The following PAH variants were observed in gnomAD, a reference collection of about 807,000 sequenced individuals.
The protein encoded by PAH is phenylalanine-4-hydroxylase.
PAH carries 64 observed loss-of-function variants against 62.0 expected under a neutral mutation model. The observed-to-expected ratio is 1.03, with a 90% CI of 0.84 to 1.27. The LOEUF (loss-of-function observed/expected upper bound fraction) is 1.27. Ranked by LOEUF, PAH falls within the 50% of genes most tolerant of loss-of-function variation. The pLI is 0.00. For synonymous variants in PAH, 195 were observed against 196.2 expected (o/e 0.99, Z 0.05); for missense variants, 579 against 542.8 (o/e 1.07, Z -0.66).
intron 4 of PAH, among the ~76,000 whole-genome samples, chr12:102,867,492 A>G (rs10512929): frequency 1.3e-5 from 2 of 152,050 alleles, no homozygotes. Flanking sequence ...ACTGATTGAA[A>G]GACAATTTTC....
In PAH at chr12:102,956,416, G is replaced by T. The variant is rs1051232009; in HGVS notation, c.-96+1779C>A. 7.2e-5 allele frequency among the ~76,000 whole-genome samples: 11 copies of T among 152,320 alleles called. 1 individual carries two copies. The Middle Eastern group carries it at 0.01, about 141-fold the overall frequency. On this transcript the variant is annotated intron_variant, in intron 1 of 4. Coordinates refer to the PAH transcript ENST00000551337. ...ACGCCTGGGCAGGCGCTGTCCAAGC[G>T]GTCGAGCGACGGCTGCAAGCGCCTC...
At chr12:102,903,859 T>A (rs1877866332) in intron 2 of PAH, among the ~76,000 whole-genome samples, 1 of 152,138 alleles carries the variant, frequency 6.6e-6, no homozygotes, top group African/African-American at 2.4e-5. Flanking sequence ...CTAGAGAATA[T>A]GTGGTAAGGT....
In PAH at chr12:102,947,055, T is replaced by G. The variant is rs547383638; in HGVS notation, c.-96+3534A>C. Among the ~76,000 whole-genome samples, 302 of 152,304 alleles carry G rather than the reference T, an allele frequency of 2.0e-3. 1 individual carries two copies. The highest frequency in any genetic ancestry group is 6.7e-3 in the African/African-American group (280 of 41,562). ...TTAAACTAAAAGCATGAATACCAGC[T>G]GGGACAATACTGAAGTAAAGCAATG... On this transcript the variant is annotated intron_variant, in intron 1 of 3. Coordinates refer to the PAH transcript ENST00000546844.
At chr12:102,859,755 C>T (rs1001341295) in intron 5 of PAH, among the ~76,000 whole-genome samples, 2 of 152,152 alleles carry the variant, frequency 1.3e-5, no homozygotes, top group Non-Finnish European at 2.9e-5. Flanking sequence ...CAGAGAAGGC[C>T]TTTGACAAAA....
At chr12:102,901,683 C>A (rs563853898) in intron 2 of PAH, among the ~76,000 whole-genome samples, 1 of 152,024 alleles carries the variant, frequency 6.6e-6, no homozygotes, top group Non-Finnish European at 1.5e-5. Flanking sequence ...GGGAGAACTT[C>A]TTGGACCACT....
chr12:102,842,835 A>T (rs1351344634), intron 11 of PAH, among the ~76,000 whole-genome samples: 2 of 151,888 alleles, frequency 1.3e-5, no homozygotes, highest in Non-Finnish European at 2.9e-5. Flanking sequence ...AGTGTCATAG[A>T]CTCCCAAAGG....
chr12:102,870,876 G>T (rs904933040), intron 4 of PAH, among the ~76,000 whole-genome samples: 5 of 152,122 alleles, frequency 3.3e-5, no homozygotes, highest in Non-Finnish European at 7.4e-5. Flanking sequence ...CCTACAATTG[G>T]CCAAGAAGCC....
In PAH at chr12:102,839,219, C is replaced by T. The variant is rs1592944816; in HGVS notation, c.1316-1G>A. The T allele has an allele frequency of 1.2e-6, 2 of 1,613,798 alleles. No individual in the cohort carries two copies. The highest frequency in any genetic ancestry group is 1.7e-6 in the Non-Finnish European group (2 of 1,179,780). On this transcript the variant is annotated splice_acceptor_variant, in intron 12 of 12. Transcript: ENST00000553106. LOFTEE classifies it high-confidence loss of function. ...GCACTGCAAAGGATTCCAATTTCAC[C>T]TACAAAGAAAAACACCATCAAAATG...
upstream of PAH, among the ~76,000 whole-genome samples, chr12:102,921,641 A>C (rs1267411828): frequency 6.6e-6 from 1 of 152,194 alleles, no homozygotes; most frequent in Non-Finnish European, 1.5e-5. Flanking sequence ...TAGCATCTAG[A>C]TCTATCATAG....
At chr12:102,843,623 G>T in intron 11 of PAH, 23 bp downstream of exon 11, 8 of 1,613,320 alleles carry the variant, frequency 5.0e-6, no homozygotes, top group Non-Finnish European at 6.8e-6. Context: ...AGAGCTAGTG[G>T]CTCACCTTTG....
At chr12:102,916,828 C>A (rs1878399774) in intron 1 of PAH, among the ~76,000 whole-genome samples, 1 of 152,154 alleles carries the variant, frequency 6.6e-6, no homozygotes, top group African/African-American at 2.4e-5. Flanking sequence ...GAGGCCAGAT[C>A]CCCAACCCCC....
At chr12:102,899,535 A>C (rs1877649031) in intron 2 of PAH, among the ~76,000 whole-genome samples, 1 of 152,190 alleles carries the variant, frequency 6.6e-6, no homozygotes, top group Non-Finnish European at 1.5e-5. Context: ...CTGTGGTATA[A>C]TTACACAATG....
At chr12:102,860,888 A>G (rs1875684377) in intron 5 of PAH, among the ~76,000 whole-genome samples, 1 of 152,242 alleles carries the variant, frequency 6.6e-6, no homozygotes, top group Non-Finnish European at 1.5e-5. Flanking sequence ...ACCCTAGAAG[A>G]AAACTTAGGT....
At chr12:102,913,783 T>C in intron 1 of PAH, 1 of 701,460 alleles carries the variant, frequency 1.4e-6, no homozygotes, top group Non-Finnish European at 2.6e-6. Context: ...TCAAAGAATG[T>C]CCAGGATCTA....
chr12:102,912,674 G>A, intron 2 of PAH, 117 bp downstream of exon 2: 3 of 769,776 alleles, frequency 3.9e-6, no homozygotes, highest in South Asian at 2.8e-5. Context: ...AAAAACTTGA[G>A]CTCAAATTCA....
chr12:102,868,090 A>G (rs56362242), intron 4 of PAH, among the ~76,000 whole-genome samples: 13,729 of 30,460 alleles, frequency 0.45, 3,219 homozygotes, highest in East Asian at 0.8. Flanking sequence ...GTGTGTGTGT[A>G]TATATATATA....
intron 4 of PAH, among the ~76,000 whole-genome samples, chr12:102,868,403 C>T (rs536614646): frequency 1.1e-4 from 17 of 151,762 alleles, no homozygotes; most frequent in African/African-American, 4.1e-4. Context: ...CCAAATGTTT[C>T]ACACTTGAAA....
intron 5 of PAH, 96 bp from the exon 6 acceptor site, chr12:102,855,428 G>A: frequency 2.3e-6 from 2 of 884,700 alleles, no homozygotes; most frequent in African/African-American, 1.7e-5. Context: ...CAGAACCTGT[G>A]AGCTGCCATC....
rs118203923 is a variant in PAH at position 102,852,926 on chromosome 12, G to A, written c.731C>T (p.Pro244Leu). Reference protein sequence around the residue: ...LQTCTGFRLRPVAGLLSSRDF... With the variant: ...LQTCTGFRLRLVAGLLSSRDF... ...CCGAGAGGAAAGCAGGCCAGCCACA[G>A]GTCGGAGGCGGAAACCAGTGCAAGC... The change falls in exon 7 of 13, where the codon CCT becomes CTT. Residue 244 changes from proline (P) to leucine (L), a missense_variant. Coordinates refer to ENST00000553106, the MANE Select transcript of PAH (RefSeq NM_000277.3). 1 of 1,614,102 alleles carries A rather than the reference G, an allele frequency of 6.2e-7. No individual in the cohort carries two copies. Among genetic ancestry groups the A allele is most frequent in the Admixed American group, 1.7e-5 (1 of 60,012 alleles).
Sources: allele counts gnomAD v4.1 joint callset (sites outside exome capture counted in the v4.1 genomes callset), GRCh38; gene constraint gnomAD v4.1.1; transcripts MANE v1.5; gene names NCBI Gene and HGNC (gene_info 2026-07-23, HGNC 2026-07-21).